The following DCC variants were observed in gnomAD, a reference collection of about 807,000 sequenced individuals.
The protein encoded by DCC is DCC netrin 1 receptor.
DCC carries 58 observed loss-of-function variants against 172.5 expected under a neutral mutation model. The ratio of observed to expected loss-of-function variants is 0.34; its 90% confidence interval spans 0.27 to 0.42. The LOEUF (loss-of-function observed/expected upper bound fraction) is 0.42. Among genes scored for constraint, DCC ranks in the 10% least tolerant of loss-of-function variants. DCC has a pLI of 1.00. For synonymous variants in DCC, 709 were observed against 644.5 expected, an observed-to-expected ratio of 1.10 and a Z score of -1.52; for missense variants, 1,740 against 1,791.0, an observed-to-expected ratio of 0.97 and a Z score of 0.51.
At chr18:53,021,142 G>A (rs772138489) in intron 5 of DCC, among the ~76,000 whole-genome samples, 6 of 152,124 alleles carry the variant, frequency 3.9e-5, no homozygotes, top group African/African-American at 1.2e-4. Context: ...CACAAAGGTC[G>A]GCTTCCTCAC....
At chr18:53,460,601 G>T (rs1204488630) in intron 24 of DCC, among the ~76,000 whole-genome samples, 1 of 151,922 alleles carries the variant, frequency 6.6e-6, no homozygotes, top group Non-Finnish European at 1.5e-5. Flanking sequence ...TCCCTACAAA[G>T]GACATGAACT....
At chr18:52,541,188 A>C (rs1260360632) in intron 1 of DCC, among the ~76,000 whole-genome samples, 1 of 152,156 alleles carries the variant, frequency 6.6e-6, no homozygotes, top group Non-Finnish European at 1.5e-5. Context: ...GGGAAGCTGG[A>C]GCTTAATATT....
At chr18:52,856,935 T>G (rs1349637606) in intron 2 of DCC, among the ~76,000 whole-genome samples, 4 of 152,198 alleles carry the variant, frequency 2.6e-5, no homozygotes, top group Admixed American at 2.6e-4. Flanking sequence ...ATTCCAGTGC[T>G]CCTTGACAAT....
intron 1 of DCC, among the ~76,000 whole-genome samples, chr18:52,525,488 C>T (rs1471225229): frequency 1.3e-5 from 2 of 152,128 alleles, no homozygotes; most frequent in East Asian, 3.9e-4. Flanking sequence ...TATAGTCATC[C>T]CCATTCATTT....
rs111685468 is a variant in DCC, at chr18:52,978,797, A to G, written c.985+53427A>G. 5.7e-3 allele frequency among the ~76,000 whole-genome samples: 866 copies of G among 152,334 alleles called. 6 individuals are homozygous for G. Among genetic ancestry groups the G allele is most frequent in the Non-Finnish European group, 9.7e-3 (658 of 68,030 alleles). ...TTTGCATACCCATGGCTTATTTCTC[A>G]AAGTGAGAACATACGGTATTTGATT... On this transcript the variant is annotated intron_variant, in intron 5 of 28. Transcript: ENST00000442544.
At chr18:53,139,126 G>A (rs1227154825) in intron 7 of DCC, among the ~76,000 whole-genome samples, 1 of 152,084 alleles carries the variant, frequency 6.6e-6, no homozygotes, top group East Asian at 1.9e-4. Flanking sequence ...AGGCTGCTTT[G>A]TACAATTACA....
At chr18:52,486,409 T>A (rs1456153472) in intron 1 of DCC, among the ~76,000 whole-genome samples, 1 of 152,138 alleles carries the variant, frequency 6.6e-6, no homozygotes, top group Non-Finnish European at 1.5e-5. Flanking sequence ...CTAGACCTGA[T>A]ATACACCTTA....
Position 52,610,151 on chromosome 18 carries a change from TAAAAA to T in DCC, c.92-141879_92-141875del, listed in dbSNP as rs1171109968. Reference sequence around the variant, plus strand: ...CAACATGGCAAAACCCCATCTCTCATAAAAAAAAAAAAAAAAAAAAAAAAAAAATA... The same window carrying T: ...CAACATGGCAAAACCCCATCTCTCATAAAAAAAAAAAAAAAAAAAAAAATA... On this transcript the variant is annotated intron_variant, in intron 1 of 28. Transcript: ENST00000442544. Among the ~76,000 whole-genome samples the T allele has an allele frequency of 8.3e-3, 158 of 18,998 alleles. 10 individuals carry two copies. The highest frequency in any genetic ancestry group is 0.01 in the Non-Finnish European group (117 of 11,206). 12.5% of individuals were successfully genotyped at this position (18,998 alleles called of 152,430 possible). A position where few individuals can be genotyped will look rare whatever the true frequency, so the allele number is the denominator to read the frequency against.
At position 53,070,936 on chromosome 18, in the gene DCC, G is replaced by T. The variant is rs191664432; in HGVS notation, c.1261+4770G>T. Among the ~76,000 whole-genome samples, 5 of 152,266 alleles carry T rather than the reference G, an allele frequency of 3.3e-5. 1 individual carries two copies. Among genetic ancestry groups the T allele is most frequent in the Non-Finnish European group, 7.4e-5 (5 of 68,018 alleles). ...GGTAGAGAGGCCAGCTATAAATTAA[G>T]CAATGAGGCTGACCATGGTGGGAAG... On this transcript the variant is annotated intron_variant, in intron 7 of 28. Coordinates refer to ENST00000442544, the MANE Select transcript of DCC (RefSeq NM_005215.4).
intron 13 of DCC, among the ~76,000 whole-genome samples, chr18:53,312,364 GA>G (rs1325153929): frequency 4.0e-4 from 25 of 62,594 alleles, no homozygotes; most frequent in African/African-American, 1.2e-3. Flanking sequence ...AAAAAAAAAA[GA>G]AAAAGAAAAA....
chr18:52,850,173 C>T (rs1027769935), intron 2 of DCC, among the ~76,000 whole-genome samples: 1 of 152,060 alleles, frequency 6.6e-6, no homozygotes, highest in Non-Finnish European at 1.5e-5. Context: ...ACATCATGTG[C>T]CCAAGGGCAG....
chr18:52,961,458 A>C (rs544281482), intron 5 of DCC, among the ~76,000 whole-genome samples: 1 of 152,148 alleles, frequency 6.6e-6, no homozygotes, highest in Non-Finnish European at 1.5e-5. Flanking sequence ...CTGTACCACA[A>C]TAATGGATAT....
At chr18:53,488,771 G>T (rs772531856) in intron 26 of DCC, among the ~76,000 whole-genome samples, 2 of 152,210 alleles carry the variant, frequency 1.3e-5, no homozygotes, top group Non-Finnish European at 2.9e-5. Context: ...TAGGTTGTGT[G>T]TATGTGGGAT....
At chr18:52,992,932 T>A (rs553358747) in intron 5 of DCC, among the ~76,000 whole-genome samples, 153 of 149,154 alleles carry the variant, frequency 1.0e-3, no homozygotes, top group Admixed American at 2.0e-3. Context: ...TGAGCCAAGA[T>A]CACACCACTG....
chr18:52,419,371 C>G (rs1372113739), intron 1 of DCC: 1 of 152,110 alleles, frequency 6.6e-6, no homozygotes, highest in African/African-American at 2.4e-5. Context: ...ATGCACATAC[C>G]TCTGCCCACT....
chr18:53,472,575 T>C (rs1308661815), intron 25 of DCC, among the ~76,000 whole-genome samples: 2 of 152,200 alleles, frequency 1.3e-5, no homozygotes, highest in African/African-American at 4.8e-5. Context: ...ATTAGAAATA[T>C]CTTCCTCATC....
chr18:52,681,592 C>G (rs1009181176), intron 1 of DCC, among the ~76,000 whole-genome samples: 2 of 151,996 alleles, frequency 1.3e-5, no homozygotes, highest in Non-Finnish European at 2.9e-5. Flanking sequence ...CTGATTAGTT[C>G]CTTTTGTCAA....
intron 12 of DCC, among the ~76,000 whole-genome samples, chr18:53,288,774 A>AT (rs1436477761): frequency 1.3e-5 from 2 of 152,126 alleles, no homozygotes; most frequent in East Asian, 3.8e-4. Context: ...AGTTGGGAAT[A>AT]TTTTCTCAAC....
At chr18:52,725,351 A>G (rs2036535684) in intron 1 of DCC, among the ~76,000 whole-genome samples, 1 of 152,220 alleles carries the variant, frequency 6.6e-6, no homozygotes, top group East Asian at 1.9e-4. Context: ...AATGGAAAAA[A>G]TTAGAGAATA....
Sources: gnomAD v4.1 joint callset for allele counts (sites outside exome capture counted in the v4.1 genomes callset) on GRCh38, gnomAD v4.1.1 for gene constraint, MANE v1.5 for transcripts, NCBI Gene and HGNC (gene_info 2026-07-23, HGNC 2026-07-21) for gene names.